THSD7B: variants seen among roughly 807,000 people sequenced by gnomAD.
THSD7B encodes thrombospondin type-1 domain-containing protein 7B.
A neutral mutation model predicts 213.6 loss-of-function variants in THSD7B; 138 were observed. The observed-to-expected ratio is 0.65, with a 90% confidence interval of 0.56 to 0.74. THSD7B has a LOEUF of 0.74. Ranked by LOEUF, THSD7B falls within the 30% of genes least tolerant of loss-of-function variation. THSD7B has a pLI of 0.00. For missense variants in THSD7B, 1,931 were observed against 1,991.5 expected, an observed-to-expected ratio of 0.97 and a Z score of 0.58; for synonymous variants, 742 against 687.0, an observed-to-expected ratio of 1.08 and a Z score of -1.25.
chr2:136,901,988 T>C (rs1198913648), intron 2 of THSD7B, among the ~76,000 whole-genome samples: 5 of 152,222 alleles, frequency 3.3e-5, no homozygotes, highest in Non-Finnish European at 1.5e-5. Context: ...GTTGAAGCAG[T>C]GTTCAGAATG....
intron 17 of THSD7B, among the ~76,000 whole-genome samples, chr2:137,597,379 G>A (rs145184269): frequency 1.3e-5 from 2 of 151,862 alleles, no homozygotes; most frequent in African/African-American, 4.8e-5. Context: ...GTGTTTAAAT[G>A]CATTGGCTGT....
At chr2:137,320,087 G>A (rs1573959538) in intron 12 of THSD7B, among the ~76,000 whole-genome samples, 1 of 152,110 alleles carries the variant, frequency 6.6e-6, no homozygotes, top group African/African-American at 2.4e-5. Context: ...TCTTTTATAA[G>A]AGAAAATAAA....
At chr2:137,376,827 C>A (rs1685667650) in intron 12 of THSD7B, among the ~76,000 whole-genome samples, 1 of 152,130 alleles carries the variant, frequency 6.6e-6, no homozygotes, top group African/African-American at 2.4e-5. Flanking sequence ...AATTCTGATG[C>A]AGGAGATATT....
intron 7 of THSD7B, among the ~76,000 whole-genome samples, chr2:137,229,768 C>A (rs1681597051): frequency 6.6e-6 from 1 of 152,108 alleles, no homozygotes; most frequent in East Asian, 1.9e-4. Flanking sequence ...CTGCTCTGAG[C>A]CCTCATCTGT....
chr2:137,312,410 C>A (rs36168300), intron 12 of THSD7B, among the ~76,000 whole-genome samples: 48,169 of 134,796 alleles, frequency 0.36, 9,373 homozygotes, highest in Non-Finnish European at 0.43. Flanking sequence ...TTTCTTTATT[C>A]GTCTTGCTAG....
intron 12 of THSD7B, among the ~76,000 whole-genome samples, chr2:137,301,551 A>G (rs1457471082): frequency 6.6e-6 from 1 of 152,060 alleles, no homozygotes; most frequent in Admixed American, 6.5e-5. Context: ...TGCAGGAATG[A>G]GGTGAAGAGA....
chr2:136,773,137 G>A (rs973103713), intron 1 of THSD7B, among the ~76,000 whole-genome samples: 1 of 152,010 alleles, frequency 6.6e-6, no homozygotes, highest in African/African-American at 2.4e-5. Flanking sequence ...TTCAAGCAGA[G>A]TATGAGTAAC....
chr2:136,899,325 C>T (rs1022627887), intron 2 of THSD7B, among the ~76,000 whole-genome samples: 2 of 152,060 alleles, frequency 1.3e-5, no homozygotes, highest in African/African-American at 4.8e-5. Flanking sequence ...TATTACACAC[C>T]TTAAGTAACT....
intron 2 of THSD7B, among the ~76,000 whole-genome samples, chr2:137,046,183 C>A (rs1231347042): frequency 2.0e-5 from 3 of 152,080 alleles, no homozygotes; most frequent in Non-Finnish European, 4.4e-5. Context: ...TAGTGCTGGG[C>A]TAGTACAGGG....
chr2:137,521,761 A>G (rs1680188611), intron 15 of THSD7B, among the ~76,000 whole-genome samples: 2 of 152,204 alleles, frequency 1.3e-5, no homozygotes, highest in Admixed American at 6.5e-5. Context: ...GTCTCCCTGT[A>G]GAGCAGGAGT....
intron 7 of THSD7B, among the ~76,000 whole-genome samples, chr2:137,175,634 C>T (rs1680344455): frequency 6.6e-6 from 1 of 152,160 alleles, no homozygotes; most frequent in South Asian, 2.1e-4. Flanking sequence ...TAACTGTGAA[C>T]ACTCCAAGAA....
intron 17 of THSD7B, among the ~76,000 whole-genome samples, chr2:137,595,246 C>T (rs1681937840): frequency 6.6e-6 from 1 of 151,970 alleles, no homozygotes; most frequent in South Asian, 2.1e-4. Context: ...TCCAAAGTGA[C>T]AGTATTTAAT....
intron 12 of THSD7B, among the ~76,000 whole-genome samples, chr2:137,300,693 G>A (rs1349372369): frequency 6.6e-6 from 1 of 152,250 alleles, no homozygotes; most frequent in East Asian, 1.9e-4. Context: ...GTAGAGGAAG[G>A]CACATGCTGG....
intron 15 of THSD7B, among the ~76,000 whole-genome samples, chr2:137,535,172 A>G (rs1465869988): frequency 6.6e-6 from 1 of 151,812 alleles, no homozygotes; most frequent in Non-Finnish European, 1.5e-5. Context: ...TTGGATTCAC[A>G]TTTCCCTAGA....
intron 1 of THSD7B, among the ~76,000 whole-genome samples, chr2:136,847,039 A>G (rs1045779721): frequency 6.6e-6 from 1 of 152,104 alleles, no homozygotes; most frequent in Non-Finnish European, 1.5e-5. Flanking sequence ...TTTCCAATCT[A>G]GAAGACTTTT....
intron 15 of THSD7B, 31 bp downstream of exon 15, chr2:137,451,054 T>C (rs1263670023): frequency 2.7e-6 from 4 of 1,500,884 alleles, no homozygotes; most frequent in South Asian, 1.3e-5. Flanking sequence ...AATAAAAAGC[T>C]AAAAAAGCTA....
chr2:137,014,222 G>A (rs1224571554), intron 2 of THSD7B, among the ~76,000 whole-genome samples: 1 of 152,180 alleles, frequency 6.6e-6, no homozygotes, highest in African/African-American at 2.4e-5. Flanking sequence ...GGATGGTGAA[G>A]TTAGGACGTG....
At chr2:136,993,632 A>G (rs968318416) in intron 2 of THSD7B, among the ~76,000 whole-genome samples, 6 of 152,246 alleles carry the variant, frequency 3.9e-5, no homozygotes, top group Admixed American at 2.6e-4. Flanking sequence ...TTAAATGAGA[A>G]GGTAATTCAT....
At chr2:137,227,437 C>T (rs1681534397) in intron 7 of THSD7B, among the ~76,000 whole-genome samples, 1 of 152,124 alleles carries the variant, frequency 6.6e-6, no homozygotes, top group African/African-American at 2.4e-5. Context: ...TTTATTATGA[C>T]ATTAGATTAT....
Sources: gnomAD v4.1 joint callset for allele counts (sites outside exome capture counted in the v4.1 genomes callset) on GRCh38, gnomAD v4.1.1 for gene constraint, MANE v1.5 for transcripts, NCBI Gene and HGNC (gene_info 2026-07-23, HGNC 2026-07-21) for gene names.